CDH13: variants seen among roughly 807,000 people sequenced by gnomAD.
The protein encoded by CDH13 is cadherin-13.
A neutral mutation model predicts 63.8 loss-of-function variants in CDH13; 24 were observed. The ratio of observed to expected loss-of-function variants is 0.38; its 90% confidence interval spans 0.27 to 0.53. CDH13 has a LOEUF of 0.53. Among genes scored for constraint, CDH13 ranks in the 20% least tolerant of loss-of-function variants. The pLI, the probability that CDH13 is intolerant of heterozygous loss-of-function variation, is 0.85. For synonymous variants in CDH13, 503 were observed against 355.3 expected, an observed-to-expected ratio of 1.42 and a Z score of -4.67; for missense variants, 1,049 against 903.1, an observed-to-expected ratio of 1.16 and a Z score of -2.07.
chr16:83,073,057 C>T (rs761328813), intron 3 of CDH13, among the ~76,000 whole-genome samples: 6 of 152,054 alleles, frequency 3.9e-5, no homozygotes, highest in Non-Finnish European at 8.8e-5. Flanking sequence ...GTGTTGAGTC[C>T]AGCACTGTGC....
chr16:82,902,538 G>A (rs1282734679), intron 2 of CDH13, among the ~76,000 whole-genome samples: 7 of 151,936 alleles, frequency 4.6e-5, no homozygotes, highest in Admixed American at 2.0e-4. Flanking sequence ...TTCTTTCCTC[G>A]GGATTTATTT....
Position 83,038,904 on chromosome 16 carries a change from G to A in CDH13, c.366+6686G>A, listed in dbSNP as rs564275396. On this transcript the variant is annotated intron_variant, in intron 3 of 13. Transcript: ENST00000567109. ...ATCATGGCAAGTAATTCTGACATCA[G>A]TTAACGAACTTGATGAAGTCAGGTT... 2.0e-3 allele frequency among the ~76,000 whole-genome samples: 309 copies of A among 152,318 alleles called. 1 individual carries two copies. Among genetic ancestry groups the A allele is most frequent in the Middle Eastern group, 0.017 (5 of 294 alleles).
At chr16:83,532,347 C>T (rs2075100461) in intron 7 of CDH13, among the ~76,000 whole-genome samples, 1 of 152,152 alleles carries the variant, frequency 6.6e-6, no homozygotes, top group African/African-American at 2.4e-5. Context: ...TCCCATTGCA[C>T]CTTGAAATTC....
intron 1 of CDH13, among the ~76,000 whole-genome samples, chr16:82,742,303 C>A (rs950154821): frequency 3.9e-5 from 6 of 152,076 alleles, no homozygotes; most frequent in Non-Finnish European, 8.8e-5. Context: ...ACAGGATGAT[C>A]TTATTTTTAT....
chr16:83,470,570 C>T (rs1362922938), intron 6 of CDH13, among the ~76,000 whole-genome samples: 3 of 152,184 alleles, frequency 2.0e-5, no homozygotes, highest in Non-Finnish European at 2.9e-5. Context: ...TTCATTGCCT[C>T]AAAGTTGCCA....
At chr16:83,132,666 G>C (rs1386645510) in intron 4 of CDH13, among the ~76,000 whole-genome samples, 1 of 151,898 alleles carries the variant, frequency 6.6e-6, no homozygotes, top group African/African-American at 2.4e-5. Context: ...GACTCATCTG[G>C]ATCCATCTGC....
intron 8 of CDH13, among the ~76,000 whole-genome samples, chr16:83,624,554 T>G (rs1370870242): frequency 6.6e-6 from 1 of 152,148 alleles, no homozygotes; most frequent in East Asian, 1.9e-4. Context: ...TTTCCGTTCC[T>G]ATGAGAATCT....
chr16:83,490,602 A>T (rs57582932), intron 7 of CDH13, among the ~76,000 whole-genome samples: 2 of 152,166 alleles, frequency 1.3e-5, no homozygotes, highest in Admixed American at 1.3e-4. Flanking sequence ...ACCATAGTCA[A>T]TGCTCAAACA....
At chr16:83,785,530 C>T (rs1400453693) in intron 13 of CDH13, among the ~76,000 whole-genome samples, 1 of 152,190 alleles carries the variant, frequency 6.6e-6, no homozygotes, top group Non-Finnish European at 1.5e-5. Flanking sequence ...GAATTTATAG[C>T]AACACATTAT....
intron 3 of CDH13, among the ~76,000 whole-genome samples, chr16:83,113,464 C>G (rs750441492): frequency 6.6e-6 from 1 of 152,196 alleles, no homozygotes; most frequent in African/African-American, 2.4e-5. Context: ...TTTTAGACAC[C>G]TGCTCTATGC....
chr16:82,761,766 A>G (rs2034865620), intron 1 of CDH13, among the ~76,000 whole-genome samples: 1 of 152,236 alleles, frequency 6.6e-6, no homozygotes. Context: ...TTGAGGGCTA[A>G]GAGTGAGAAT....
At chr16:83,142,114 C>T (rs1016624435) in intron 4 of CDH13, among the ~76,000 whole-genome samples, 1 of 150,700 alleles carries the variant, frequency 6.6e-6, no homozygotes, top group Admixed American at 6.6e-5. Flanking sequence ...ATAAGTTCTA[C>T]ATTAAGTTGT....
In CDH13 at chr16:83,216,429, T is replaced by A. The variant is rs866597562; in HGVS notation, c.484-916T>A. Among the ~76,000 whole-genome samples the A allele has an allele frequency of 2.0e-3, 206 of 105,590 alleles. 1 individual carries two copies. The highest frequency in any genetic ancestry group is 3.0e-3 in the Non-Finnish European group (147 of 49,180). The allele number at this position is 105,590 out of a possible 152,430, so 69.3% of individuals were successfully genotyped here. On this transcript the variant is annotated intron_variant, in intron 4 of 13. Transcript: ENST00000567109. ...ATATATATATATATATATATATATATATATATATATATATACACAACCCTA... is the reference window on the plus strand; with the variant it reads ...ATATATATATATATATATATATATAAATATATATATATATACACAACCCTA...
intron 5 of CDH13, among the ~76,000 whole-genome samples, chr16:83,241,788 G>T (rs142302788): frequency 6.6e-6 from 1 of 152,088 alleles, no homozygotes; most frequent in South Asian, 2.1e-4. Context: ...AGTAAGTTGC[G>T]TTTTCATTCT....
intron 10 of CDH13, among the ~76,000 whole-genome samples, chr16:83,703,950 T>A: frequency 6.6e-6 from 1 of 152,212 alleles, no homozygotes; most frequent in Admixed American, 6.5e-5. Context: ...CTCATCCAGA[T>A]AACCCTGCAC....
At chr16:83,480,998 C>T (rs2073747730) in intron 6 of CDH13, among the ~76,000 whole-genome samples, 1 of 152,184 alleles carries the variant, frequency 6.6e-6, no homozygotes, top group Admixed American at 6.5e-5. Context: ...CCTTTTGAAG[C>T]ACCACTATTA....
chr16:82,640,539 G>T (rs943429233), intron 1 of CDH13, among the ~76,000 whole-genome samples: 8 of 152,098 alleles, frequency 5.3e-5, no homozygotes, highest in African/African-American at 1.9e-4. Context: ...AAATGAATGG[G>T]CAGGGTAATA....
At chr16:82,982,324 G>T (rs930987284) in intron 2 of CDH13, among the ~76,000 whole-genome samples, 3 of 151,874 alleles carry the variant, frequency 2.0e-5, no homozygotes, top group African/African-American at 7.3e-5. Flanking sequence ...CCAATATTCT[G>T]CTTTTAGAAC....
chr16:83,305,070 C>T (rs2089842084), intron 5 of CDH13, among the ~76,000 whole-genome samples: 1 of 152,170 alleles, frequency 6.6e-6, no homozygotes, highest in Non-Finnish European at 1.5e-5. Flanking sequence ...TCAATGTAAG[C>T]CCAGGTGAGA....
Sources: gnomAD v4.1 joint callset for allele counts (sites outside exome capture counted in the v4.1 genomes callset) on GRCh38, gnomAD v4.1.1 for gene constraint, MANE v1.5 for transcripts, NCBI Gene and HGNC (gene_info 2026-07-23, HGNC 2026-07-21) for gene names.